Variants in GEMIN4 observed in about 807,000 individuals in gnomAD.
The protein encoded by GEMIN4 is gem nuclear organelle associated protein 4.
GEMIN4 carries 59 observed loss-of-function variants against 76.8 expected under a neutral mutation model. The ratio of observed to expected loss-of-function variants is 0.77; its 90% CI spans 0.62 to 0.95. The LOEUF (loss-of-function observed/expected upper bound fraction) is 0.95. Ranked by LOEUF, GEMIN4 falls within the 40% of genes least tolerant of loss-of-function variation. GEMIN4 has a pLI of 0.00. For synonymous variants in GEMIN4, 562 were observed against 559.7 expected, an observed-to-expected ratio of 1.00 and a Z score of -0.06; for missense variants, 1,311 against 1,318.9, an observed-to-expected ratio of 0.99 and a Z score of 0.09.
chr17:747,922 G>C lies in GEMIN4; in HGVS notation c.121C>G (p.Arg41Gly), dbSNP rs749471566. 6 of 1,613,744 alleles carry C rather than the reference G, an allele frequency of 3.7e-6. No homozygotes were observed. Among genetic ancestry groups the C allele is most frequent in the Non-Finnish European group, 4.2e-6 (5 of 1,179,858 alleles). The part of the protein sequence containing the change: ...LAELTKSDWE[R>G]VGRPIVEALR... The stretch of plus-strand genomic sequence containing the variant: ...GCCTCCACGATGGGCCGTCCAACAC[G>C]TTCCCAGTCAGACTTTGTTAATTCT... The change falls in exon 2 of 2, where the codon CGT becomes GGT. Residue 41 changes from arginine to glycine, a missense_variant. By Grantham distance (125) the Arg-to-Gly change is moderately radical. Around this residue, in one of 2 missense-constraint regions of GEMIN4, gnomAD observed 103 missense variants for 152.0 expected, o/e 0.68. Transcript: ENST00000319004.
chr17:747,608 C>G lies in GEMIN4; in HGVS notation c.435G>C (p.Leu145=). ...CAGAAGTGTCAACGGTCACATGTTC[C>G]AGAAAGCGCTCTAGTTCTGCATGGC... is the stretch of plus-strand genomic sequence containing the variant. ...TICHAELERF[L]EHVTVDTSAE... The change falls in exon 2 of 2, where the codon CTG becomes CTC. Residue 145 remains leucine, a synonymous_variant. Coordinates refer to ENST00000319004, the MANE Select transcript of GEMIN4 (RefSeq NM_015721.3). The G allele has an allele frequency of 1.9e-6, 3 of 1,613,952 alleles. No individual in the cohort carries two copies. The highest frequency in any genetic ancestry group is 2.5e-6 in the Non-Finnish European group (3 of 1,179,888).
chr17:747,080 G>A lies in GEMIN4; in HGVS notation c.963C>T (p.His321=), dbSNP rs1385012887. ...CCTCCCCCCACTCCCGCAGCAGGTGGTGCAGGAACTCGCAGCCCACGAAAA... is the reference window on the plus strand; with the variant it reads ...CCTCCCCCCACTCCCGCAGCAGGTGATGCAGGAACTCGCAGCCCACGAAAA... ...ETIFVGCEFL[H]HLLREWGEEL... is the part of the protein sequence containing the mutation. Residue 321 remains histidine (H), a synonymous_variant, in exon 2 of 2, where the codon CAC becomes CAT. Transcript: ENST00000319004. 14 of 1,613,488 alleles carry A rather than the reference G, an allele frequency of 8.7e-6. No individual in the cohort carries two copies. The highest frequency in any genetic ancestry group is 7.7e-5 in the South Asian group (7 of 91,086).
At position 747,475 on chromosome 17, in the gene GEMIN4, G is replaced by T. The variant is rs1184530320; in HGVS notation, c.568C>A (p.Leu190Met). The T allele has an allele frequency of 6.2e-7, 1 of 1,613,872 alleles. No homozygotes were observed. Among genetic ancestry groups the T allele is most frequent in the Non-Finnish European group, 8.5e-7 (1 of 1,179,830 alleles). ...SQFSAMAHKYLPALDEFPHPP... is the reference protein window; with the variant it reads ...SQFSAMAHKYMPALDEFPHPP... The stretch of plus-strand genomic sequence containing the variant: ...TGGGGGAACTCATCTAAGGCAGGCA[G>T]GTACTTATGGGCCATTGCACTAAAC... The change falls in exon 2 of 2, where the codon CTG (leucine) becomes ATG (methionine). Residue 190 changes from leucine to methionine, a missense_variant. Physicochemically the swap from Leu to Met is conservative, Grantham distance 15. Transcript: ENST00000319004.
At chr17:752,446 A>G (rs946156258), upstream of GEMIN4, among the ~76,000 whole-genome samples, 1 of 151,844 alleles carries the variant, frequency 6.6e-6, no homozygotes, top group Admixed American at 6.5e-5. Flanking sequence ...CCGGGGTCCC[A>G]GCGGGTCGGG....
In GEMIN4 at chr17:746,236, T is replaced by C. The variant is rs746728929; in HGVS notation, c.1807A>G (p.Met603Val). The C allele has an allele frequency of 4.3e-6, 7 of 1,613,658 alleles. No homozygotes were observed. In the African/African-American group the frequency reaches 5.3e-5, roughly 12 times the overall value. Residue 603 changes from methionine (M) to valine (V), a missense_variant, in exon 2 of 2, where the codon ATG becomes GTG. Met to Val is a conservative substitution (Grantham distance 21, BLOSUM62 1). This residue lies in a region of GEMIN4 where 1,208 missense variants were observed against 1,166.9 expected (regional missense o/e 1.04). Transcript: ENST00000319004. The surrounding 1 kb of genome is among the most constrained non-coding windows in gnomAD (Gnocchi z 4.3). ...EQGPNSSATF[M>V]VSCLKETVWM... ...ACGGTTTCTTTGAGGCATGACACCATGAAAGTGGCAGATGAATTGGGACCC... is the reference window on the plus strand; with the variant it reads ...ACGGTTTCTTTGAGGCATGACACCACGAAAGTGGCAGATGAATTGGGACCC...
chr17:746,508 G>A lies in GEMIN4; in HGVS notation c.1535C>T (p.Ser512Phe), dbSNP rs113476937. 3.5e-4 allele frequency: 567 copies of A among 1,613,980 alleles called. 5 individuals are homozygous for A. The African/African-American group carries it at 5.1e-3, about 15-fold the overall frequency. The part of the protein sequence containing the change: ...ILRSWGRKGL[S>F]EKLLAYVEGF... ...CTCCACATAAGCCAGCAACTTTTCA[G>A]AGAGGCCCTTTCGCCCCCAGGAACG... The change falls in exon 2 of 2, where the codon TCT becomes TTT. Residue 512 changes from serine (S) to phenylalanine (F), a missense_variant. This residue lies in a region of GEMIN4 where 1,208 missense variants were observed against 1,166.9 expected (regional missense o/e 1.04). Coordinates refer to ENST00000319004, the MANE Select transcript of GEMIN4 (RefSeq NM_015721.3). The surrounding 1 kb of genome is among the most constrained non-coding windows in gnomAD (Gnocchi z 4.3).
At position 745,101 on chromosome 17, in the gene GEMIN4, TG is replaced by T; in HGVS notation, c.2941del (p.Gln981ArgfsTer24). ...GATGTGCAGAGCATGGCAGAACACC[TG>T]GGTGTAAACAAACAGGGCTTCCTGG... ...LTQEALFVYT[Q>X]VFCHALHIMA... On this transcript the variant is annotated frameshift_variant, in exon 2 of 2. Coordinates refer to ENST00000319004, the MANE Select transcript of GEMIN4 (RefSeq NM_015721.3). LOFTEE classifies it high-confidence loss of function. The surrounding 1 kb of genome is among the most constrained non-coding windows in gnomAD (Gnocchi z 4.6). 1.9e-6 allele frequency: 3 copies of T among 1,612,626 alleles called. No homozygotes were observed. The highest frequency in any genetic ancestry group is 1.3e-5 in the African/African-American group (1 of 75,004).
chr17:752,550 G>A, upstream of GEMIN4: 1 of 563,350 alleles, frequency 1.8e-6, no homozygotes. Context: ...CCCCCGGGAC[G>A]CCCACCACCC....
In GEMIN4 at chr17:746,706, G is replaced by A. The variant is rs986081682; in HGVS notation, c.1337C>T (p.Ala446Val). The A allele has an allele frequency of 9.9e-6, 16 of 1,613,458 alleles. No individual in the cohort carries two copies. Among genetic ancestry groups the A allele is most frequent in the Admixed American group, 1.7e-5 (1 of 59,990 alleles). ...EWVACLGSNR[A>V]LFRQPDLVLR... Reference sequence around the variant, plus strand: ...CACCAAGTCTGGCTGTCGGAAGAGGGCCCTGTTACTCCCCAGGCAGGCTAC... The same window carrying A: ...CACCAAGTCTGGCTGTCGGAAGAGGACCCTGTTACTCCCCAGGCAGGCTAC... The change falls in exon 2 of 2, where the codon GCC becomes GTC. Residue 446 changes from alanine to valine, a missense_variant. This residue lies in a region of GEMIN4 where 1,208 missense variants were observed against 1,166.9 expected (regional missense o/e 1.04). Coordinates refer to ENST00000319004, the MANE Select transcript of GEMIN4 (RefSeq NM_015721.3). The surrounding 1 kb of genome is among the most constrained non-coding windows in gnomAD (Gnocchi z 4.3).
Position 747,290 on chromosome 17 carries a change from C to T in GEMIN4, c.753G>A (p.Ala251=), listed in dbSNP as rs898590683. Residue 251 remains alanine (A), a synonymous_variant, in exon 2 of 2, where the codon GCG becomes GCA. Transcript: ENST00000319004. ...ANLADMLTVF[A]LTEDDPQEVS... ...CCTCCTGGGGGTCGTCCTCTGTCAG[C>T]GCAAACACAGTCAGCATGTCAGCCA... The T allele has an allele frequency of 6.2e-6, 10 of 1,613,702 alleles. No homozygotes were observed. The highest frequency in any genetic ancestry group is 4.0e-5 in the African/African-American group (3 of 74,916).
chr17:746,051 A>C lies in GEMIN4; in HGVS notation c.1992T>G (p.Val664=). ...TCCTCAGACTGAGGTCTACCTCTTC[A>C]ACATCTAACCTCAAGAAAGGCAGGA... ...EFVLPFLRLD[V]EEVDLSLRIF... is the part of the protein sequence containing the mutation. The change falls in exon 2 of 2, where the codon GTT becomes GTG. Residue 664 remains valine, a synonymous_variant. Coordinates refer to ENST00000319004, the MANE Select transcript of GEMIN4 (RefSeq NM_015721.3). This position sits in a 1 kb window ranked among gnomAD's most constrained non-coding sequence, Gnocchi z 4.3. 6.2e-7 allele frequency: 1 copy of C among 1,613,922 alleles called. No individual in the cohort carries two copies. Among genetic ancestry groups the C allele is most frequent in the Non-Finnish European group, 8.5e-7 (1 of 1,179,884 alleles).
Position 748,285 on chromosome 17 carries a change from G to A in GEMIN4, c.11-253C>T, listed in dbSNP as rs1429112124. 6.0e-6 allele frequency: 3 copies of A among 503,050 alleles called. No homozygotes were observed. In the East Asian group the frequency reaches 1.0e-4, roughly 17 times the overall value. The allele number at this position is 503,050 out of a possible 1,614,324, so 31.2% of individuals were successfully genotyped here. On this transcript the variant is annotated intron_variant, in intron 1 of 1. Transcript: ENST00000319004. ...GTGACATCACATACAGGGAATGGAG[G>A]AGAATCAGAGCAGGTGTGAGGAAAG...
chr17:754,380 T>G (rs538920534), upstream of GEMIN4: 1 of 152,160 alleles, frequency 6.6e-6, no homozygotes, highest in Non-Finnish European at 1.5e-5. Flanking sequence ...TCCTGGTACT[T>G]CTTCTTTAAT....
At position 747,267 on chromosome 17, in the gene GEMIN4, T is replaced by A. The variant is rs1974467252; in HGVS notation, c.776A>T (p.Glu259Val). ...VFALTEDDPQ[E>V]VSATVYLDKL... ...GTCCAGATACACGGTTGCAGACACC[T>A]CCTGGGGGTCGTCCTCTGTCAGCGC... Residue 259 changes from glutamate to valine, a missense_variant, in exon 2 of 2, where the codon GAG becomes GTG. Around this residue, in one of 2 missense-constraint regions of GEMIN4, gnomAD observed 1,208 missense variants for 1,166.9 expected, o/e 1.04. Transcript: ENST00000319004. The A allele has an allele frequency of 1.2e-6, 2 of 1,613,734 alleles. No individual in the cohort carries two copies. The highest frequency in any genetic ancestry group is 2.2e-5 in the South Asian group (2 of 91,076).
chr17:744,745 G>A lies in GEMIN4; in HGVS notation c.*121C>T, dbSNP rs967777944. ...TTCACATAACTGTAAAGTCCAGGCT[G>A]CTCGGGTCTGACCCCTACAGACCTG... On this transcript the variant is annotated 3_prime_UTR_variant, in exon 2 of 2. Transcript: ENST00000319004. 8.0e-6 allele frequency: 8 copies of A among 1,006,204 alleles called. No individual in the cohort carries two copies. The Admixed American group carries it at 1.4e-4, about 18-fold the overall frequency. 62.3% of individuals were successfully genotyped at this position (1,006,204 alleles called of 1,614,324 possible).
intron 1 of GEMIN4, chr17:751,826 C>G: frequency 2.8e-6 from 1 of 358,378 alleles, no homozygotes; most frequent in Non-Finnish European, 5.0e-6. Flanking sequence ...CAGGGGTGCT[C>G]GGAGGGAGCC....
chr17:745,607 G>C lies in GEMIN4; in HGVS notation c.2436C>G (p.Gly812=), dbSNP rs116646927. Residue 812 remains glycine (G), a synonymous_variant, in exon 2 of 2, where the codon GGC becomes GGG. Transcript: ENST00000319004. This position sits in a 1 kb window ranked among gnomAD's most constrained non-coding sequence, Gnocchi z 4.6. ...ACTCCATCCAGGCCAGGAGCCCCGT[G>C]CCAGCCCCGTACCCTGGGTGGGCCT... ...TSQAHPGYGA[G]TGLLAWMECC... is the part of the protein sequence containing the mutation. 4.1e-4 allele frequency: 659 copies of C among 1,608,856 alleles called. 4 individuals are homozygous for C. The African/African-American group carries it at 7.8e-3, about 19-fold the overall frequency.
In GEMIN4 at chr17:747,948, G is replaced by T. The variant is rs1904361358; in HGVS notation, c.95C>A (p.Ala32Glu). Residue 32 changes from alanine (A) to glutamate (E), a missense_variant, in exon 2 of 2, where the codon GCA becomes GAA. By Grantham distance (107) the Ala-to-Glu change is moderately radical (BLOSUM62 -1). This residue lies in a region of GEMIN4 where 103 missense variants were observed against 152.0 expected (regional missense o/e 0.68). Transcript: ENST00000319004. ...TTCCCAGTCAGACTTTGTTAATTCT[G>T]CCAGTGCCTTAGGGTGGAACAGCTG... ...AEQLFHPKALAELTKSDWERV... is the reference protein window; with the variant it reads ...AEQLFHPKALEELTKSDWERV... 6.2e-7 allele frequency: 1 copy of T among 1,613,454 alleles called. No homozygotes were observed. Among genetic ancestry groups the T allele is most frequent in the Admixed American group, 1.7e-5 (1 of 59,980 alleles).
At position 745,014 on chromosome 17, in the gene GEMIN4, G is replaced by A. The variant is rs2144138111; in HGVS notation, c.3029C>T (p.Thr1010Ile). ...GGTCTTGCTCAAAGTCTCATAGCAG[G>A]TGAGGGTTTCCAAGGCTAAAACGTA... ...PLYVLALETL[T>I]CYETLSKTNP... The change falls in exon 2 of 2, where the codon ACC becomes ATC. Residue 1010 changes from threonine to isoleucine, a missense_variant. This residue lies in a region of GEMIN4 where 1,208 missense variants were observed against 1,166.9 expected (regional missense o/e 1.04). Transcript: ENST00000319004. This position sits in a 1 kb window ranked among gnomAD's most constrained non-coding sequence, Gnocchi z 4.6. The A allele has an allele frequency of 5.6e-6, 9 of 1,613,948 alleles. No homozygotes were observed. The highest frequency in any genetic ancestry group is 2.2e-5 in the East Asian group (1 of 44,882).
Sources: gnomAD v4.1 joint callset for allele counts (sites outside exome capture counted in the v4.1 genomes callset) on GRCh38, gnomAD v4.1.1 for gene constraint, gnomAD v4.1.1 regional missense constraint, Gnocchi (gnomAD v3.1) non-coding constraint, MANE v1.5 for transcripts, NCBI Gene and HGNC (gene_info 2026-07-23, HGNC 2026-07-21) for gene names.